Variants in EXOG observed in about 807,000 individuals in gnomAD.
EXOG encodes nuclease EXOG, mitochondrial.
EXOG carries 27 observed loss-of-function variants against 25.8 expected under a neutral mutation model. That is an observed-to-expected ratio of 1.05 (90% CI 0.77 to 1.45). The LOEUF (loss-of-function observed/expected upper bound fraction) is 1.45. Among genes scored for constraint, EXOG ranks in the 40% most tolerant of loss-of-function variants. The probability of loss-of-function intolerance (pLI) is 0.00; values close to 1 mark genes in which losing one functional copy is unlikely to be tolerated. For missense variants in EXOG, 458 were observed against 450.5 expected (o/e 1.02, Z -0.15); for synonymous variants, 133 against 167.0 (o/e 0.80, Z 1.57).
chr3:38,502,688 C>T (rs2060083918), intron 3 of EXOG, among the ~76,000 whole-genome samples: 1 of 152,098 alleles, frequency 6.6e-6, no homozygotes, highest in African/African-American at 2.4e-5. Context: ...AATGTATAGT[C>T]AGCTTTCCCA....
At chr3:38,502,833 G>A (rs1002691802) in intron 3 of EXOG, among the ~76,000 whole-genome samples, 2 of 152,062 alleles carry the variant, frequency 1.3e-5, no homozygotes, top group African/African-American at 4.8e-5. Flanking sequence ...TGGGAGGAGT[G>A]TCTTTCATGA....
intron 5 of EXOG, chr3:38,515,799 G>A (rs1344736421): frequency 6.5e-6 from 1 of 154,366 alleles, no homozygotes; most frequent in Non-Finnish European, 1.5e-5. Flanking sequence ...TTGGTTGGCA[G>A]GCAAGTTCGT....
rs900144809 is a variant in EXOG, at chr3:38,497,598, C to G, written c.164-31C>G. The G allele has an allele frequency of 2.7e-6, 4 of 1,503,454 alleles. No individual in the cohort carries two copies. The African/African-American group carries it at 8.5e-5, about 32-fold the overall frequency. The allele number at this position is 1,503,454 out of a possible 1,614,324, so 93.1% of individuals were successfully genotyped here. ...TGTGTGTGTGTTTTTTTTGTCTCTG[C>G]CCCCCCTTTTTTTTTTTTTTTCATT... On this transcript the variant is annotated intron_variant, in intron 1 of 5. Transcript: ENST00000287675.
chr3:38,508,021 C>T (rs992318590), intron 5 of EXOG, among the ~76,000 whole-genome samples: 2 of 152,118 alleles, frequency 1.3e-5, no homozygotes, highest in Admixed American at 6.5e-5. Context: ...GTCCCAGCTA[C>T]TTGGGAGTCT....
chr3:38,510,514 G>A (rs1399394812), intron 5 of EXOG, among the ~76,000 whole-genome samples: 3 of 152,028 alleles, frequency 2.0e-5, no homozygotes, highest in Non-Finnish European at 4.4e-5. Flanking sequence ...GTAAAATGGT[G>A]TGCCTGTGAC....
rs2060801905 is a variant in EXOG, at chr3:38,523,937, C to A, written c.682C>A (p.Leu228Ile). 6.3e-7 allele frequency: 1 copy of A among 1,586,086 alleles called. No homozygotes were observed. The highest frequency in any genetic ancestry group is 2.2e-5 in the East Asian group (1 of 44,522). The change falls in exon 6 of 6, where the codon CTT becomes ATT. Residue 228 changes from leucine to isoleucine, a missense_variant. Coordinates refer to ENST00000287675, the MANE Select transcript of EXOG (RefSeq NM_005107.4). ...GEDNVAVPSH[L>I]YKVILARRSS... ...GGACAACGTGGCAGTCCCCTCACAC[C>A]TTTATAAGGTAATCCTGGCCCGCAG...
intron 5 of EXOG, among the ~76,000 whole-genome samples, chr3:38,520,654 A>G (rs1014694886): frequency 3.3e-5 from 5 of 152,150 alleles, no homozygotes; most frequent in African/African-American, 1.2e-4. Flanking sequence ...ATGCCGTTGT[A>G]TCTTTTGAAT....
At chr3:38,521,849 T>C (rs552673522) in intron 5 of EXOG, among the ~76,000 whole-genome samples, 6 of 152,344 alleles carry the variant, frequency 3.9e-5, no homozygotes, top group South Asian at 4.1e-4. Flanking sequence ...CAGCTGCATA[T>C]ACTTTAAAGC....
intron 5 of EXOG, among the ~76,000 whole-genome samples, chr3:38,521,340 G>T (rs1039625959): frequency 3.3e-5 from 5 of 152,196 alleles, no homozygotes; most frequent in African/African-American, 9.7e-5. Flanking sequence ...TTTAGCAATT[G>T]TAAGAGTTTT....
At chr3:38,515,076 T>C (rs2060496827) in intron 5 of EXOG, among the ~76,000 whole-genome samples, 1 of 152,132 alleles carries the variant, frequency 6.6e-6, no homozygotes, top group Non-Finnish European at 1.5e-5. Flanking sequence ...CTGGCTACCC[T>C]TTTTTATAGA....
intron 4 of EXOG, 63 bp downstream of exon 4, chr3:38,503,754 T>C: frequency 1.0e-6 from 1 of 965,098 alleles, no homozygotes; most frequent in Non-Finnish European, 1.7e-6. Flanking sequence ...CAGGAGAATG[T>C]ACTGATGTGC....
chr3:38,516,300 A>G (rs967957009), intron 5 of EXOG, among the ~76,000 whole-genome samples: 1 of 152,016 alleles, frequency 6.6e-6, no homozygotes, highest in Non-Finnish European at 1.5e-5. Context: ...TTTAATCTAT[A>G]TTTATTAGTG....
At chr3:38,499,607 T>C in intron 2 of EXOG, 1 of 450,972 alleles carries the variant, frequency 2.2e-6, no homozygotes, top group Admixed American at 2.4e-5. Context: ...ACAGAAAATG[T>C]TAGTATATAA....
chr3:38,517,041 T>A (rs2060567298), intron 5 of EXOG, among the ~76,000 whole-genome samples: 1 of 152,238 alleles, frequency 6.6e-6, no homozygotes, highest in African/African-American at 2.4e-5. Flanking sequence ...TTTCCCCCTT[T>A]GGAATTTATA....
intron 5 of EXOG, among the ~76,000 whole-genome samples, chr3:38,513,513 G>A (rs185227839): frequency 2.6e-5 from 4 of 152,266 alleles, no homozygotes; most frequent in Admixed American, 2.0e-4. Flanking sequence ...AAACAGAAGT[G>A]GAAGGTAAGG....
chr3:38,517,705 A>G (rs2060590717), intron 5 of EXOG, among the ~76,000 whole-genome samples: 1 of 152,176 alleles, frequency 6.6e-6, no homozygotes, highest in African/African-American at 2.4e-5. Flanking sequence ...CTTGTATTTC[A>G]AAACAGGGAT....
chr3:38,521,164 A>T lies in EXOG; in HGVS notation c.646-2737A>T, dbSNP rs979887089. On this transcript the variant is annotated intron_variant, in intron 5 of 5. Coordinates refer to ENST00000287675, the MANE Select transcript of EXOG (RefSeq NM_005107.4). ...AAGAACAAAGCAGACTGAATCAGAA[A>T]AGAGATTAGTGAGTGGCTAAGTTTT... Among the ~76,000 whole-genome samples the T allele has an allele frequency of 2.0e-5, 3 of 152,318 alleles. No homozygotes were observed. The South Asian group carries it at 6.2e-4, about 32-fold the overall frequency.
chr3:38,520,453 T>C (rs985123603), intron 5 of EXOG, among the ~76,000 whole-genome samples: 5 of 152,088 alleles, frequency 3.3e-5, no homozygotes, highest in Non-Finnish European at 5.9e-5. Context: ...ATGAAAAGGG[T>C]TGTTTGCTGA....
intron 5 of EXOG, among the ~76,000 whole-genome samples, chr3:38,508,721 C>CCAA (rs760291447): frequency 6.9e-6 from 1 of 144,876 alleles, no homozygotes; most frequent in African/African-American, 2.6e-5. Context: ...ACCCCCCCCC[C>CCAA]AAAAAAAAAC....
Sources: allele counts gnomAD v4.1 joint callset (sites outside exome capture counted in the v4.1 genomes callset), GRCh38; gene constraint gnomAD v4.1.1; transcripts MANE v1.5; gene names NCBI Gene and HGNC (gene_info 2026-07-23, HGNC 2026-07-21).